The following TMED5 variants were observed in gnomAD, a reference collection of about 807,000 sequenced individuals.
TMED5 encodes transmembrane p24 trafficking protein 5, also known as transmembrane emp24 domain-containing protein 5.
A neutral mutation model predicts 23.0 loss-of-function variants in TMED5; 27 were observed. That is an observed-to-expected ratio of 1.17 (90% CI 0.86 to 1.62). The LOEUF is 1.62. Ranked by LOEUF, TMED5 falls within the 40% of genes most tolerant of loss-of-function variation. The pLI is 0.00. For missense variants in TMED5, 248 were observed against 273.7 expected (o/e 0.91, Z 0.66); for synonymous variants, 97 against 100.8 (o/e 0.96, Z 0.23).
At chr1:93,167,335 T>A (rs1054200581) in intron 1 of TMED5, among the ~76,000 whole-genome samples, 2 of 152,212 alleles carry the variant, frequency 1.3e-5, no homozygotes, top group Non-Finnish European at 2.9e-5. Flanking sequence ...TTGCACTGAA[T>A]CTGTAGATTG....
chr1:93,161,343 A>G (rs1648266042), intron 1 of TMED5: 1 of 152,218 alleles, frequency 6.6e-6, no homozygotes, highest in African/African-American at 2.4e-5. Context: ...TACAGCAAAT[A>G]AGTGACATGG....
chr1:93,154,877 G>A lies in TMED5; in HGVS notation c.483C>T (p.Asn161=). The A allele has an allele frequency of 6.3e-7, 1 of 1,594,840 alleles. No homozygotes were observed. Among genetic ancestry groups the A allele is most frequent in the Non-Finnish European group, 8.6e-7 (1 of 1,166,620 alleles). ...MKLEDILESI[N]SIKSRLSKSG... ...TTTTGCTTAGTCTGGACTTGATGCT[G>A]TTGATGGATTCCTGGAGATAAATAA... The change falls in exon 4 of 4, where the codon AAC becomes AAT. Residue 161 remains asparagine (N), a synonymous_variant. Transcript: ENST00000370282.
rs1046534127 is a variant in TMED5 at position 93,173,686 on chromosome 1, G to A, written c.189+6368C>T. ...AAAAGTCAAGAGAGCAGAGCCGTAA[G>A]AACCAGAGGAAAACAAATTAAGCCT... On this transcript the variant is annotated intron_variant, in intron 1 of 3. Transcript: ENST00000370282. 3.3e-5 allele frequency among the ~76,000 whole-genome samples: 5 copies of A among 152,340 alleles called. No homozygotes were observed. In the South Asian group the frequency reaches 8.3e-4, roughly 25 times the overall value.
Position 93,180,255 on chromosome 1 carries a change from G to T in TMED5, c.-13C>A, listed in dbSNP as rs1649293302. On this transcript the variant is annotated 5_prime_UTR_variant, in exon 1 of 4. Coordinates refer to ENST00000370282, the MANE Select transcript of TMED5 (RefSeq NM_016040.5). The stretch of plus-strand genomic sequence containing the variant: ...TCTTGTCGCCCATCCCTGCTGGGGC[G>T]ATCCCGGGCTGAAAGAGGCGTCAGG... 4 of 1,598,122 alleles carry T rather than the reference G, an allele frequency of 2.5e-6. No homozygotes were observed. The highest frequency in any genetic ancestry group is 2.7e-5 in the African/African-American group (2 of 73,708).
chr1:93,170,849 G>A (rs913326166), intron 1 of TMED5, among the ~76,000 whole-genome samples: 10 of 152,182 alleles, frequency 6.6e-5, no homozygotes, highest in African/African-American at 2.4e-4. Flanking sequence ...CTAGCTCAGG[G>A]ATTGTAAACA....
chr1:93,160,962 G>A (rs1455813787), intron 1 of TMED5: 6 of 152,244 alleles, frequency 3.9e-5, no homozygotes, highest in Admixed American at 6.5e-5. Context: ...CCACCATGGT[G>A]TGGACTCCAA....
chr1:93,179,925 C>A, intron 1 of TMED5, 129 bp downstream of exon 1: 1 of 1,027,858 alleles, frequency 9.7e-7, no homozygotes, highest in Non-Finnish European at 1.4e-6. Context: ...GCGGAGCGGG[C>A]TGGCTTCCTG....
chr1:93,171,083 G>C (rs868086073), intron 1 of TMED5, among the ~76,000 whole-genome samples: 17 of 152,126 alleles, frequency 1.1e-4, no homozygotes, highest in African/African-American at 4.1e-4. Flanking sequence ...CTCACTCTTT[G>C]GGTTCACACT....
rs1647871727 is a variant in TMED5, at chr1:93,151,418, T to C, written c.*3252A>G. ...AAATATTTCTGAAAATGAAATAGTC[T>C]CAAAGGAGTTTTGATTTTGCAAGAT... On this transcript the variant is annotated 3_prime_UTR_variant, in exon 4 of 4. Coordinates refer to ENST00000370282, the MANE Select transcript of TMED5 (RefSeq NM_016040.5). 6.6e-6 allele frequency: 1 copy of C among 152,208 alleles called. No individual in the cohort carries two copies. The highest frequency in any genetic ancestry group is 2.4e-5 in the African/African-American group (1 of 41,462). 9.4% of individuals were successfully genotyped at this position (152,208 alleles called of 1,614,324 possible).
intron 2 of TMED5, chr1:93,158,696 T>C (rs1458406553): frequency 6.6e-6 from 1 of 152,642 alleles, no homozygotes. Context: ...GCCTCCCAAG[T>C]AGCTGGGACT....
chr1:93,179,995 G>C lies in TMED5; in HGVS notation c.189+59C>G, dbSNP rs534740152. ...ACCAGAAGTTTCTAAACGGGTGAGA[G>C]GCGACAACGCAGTGCAGCTGGGTTA... On this transcript the variant is annotated intron_variant, in intron 1 of 3. Transcript: ENST00000370282. The C allele has an allele frequency of 1.8e-5, 27 of 1,531,798 alleles. No homozygotes were observed. In the African/African-American group the frequency reaches 2.9e-4, roughly 17 times the overall value. The allele number at this position is 1,531,798 out of a possible 1,614,324, so 94.9% of individuals were successfully genotyped here.
intron 1 of TMED5, among the ~76,000 whole-genome samples, chr1:93,175,754 C>G (rs1292961175): frequency 2.0e-5 from 3 of 152,082 alleles, no homozygotes; most frequent in Admixed American, 6.5e-5. Flanking sequence ...CTCCCAAAAA[C>G]TCACCCAGAT....
At chr1:93,159,677 T>TA (rs59708035) in intron 2 of TMED5, among the ~76,000 whole-genome samples, 90,879 of 149,266 alleles carry the variant, frequency 0.61, 27,897 homozygotes, top group South Asian at 0.69. Flanking sequence ...GAGGTCTGAA[T>TA]AAAAAAAAAA....
At chr1:93,169,796 T>C (rs1648642365) in intron 1 of TMED5, among the ~76,000 whole-genome samples, 1 of 151,542 alleles carries the variant, frequency 6.6e-6, no homozygotes, top group African/African-American at 2.4e-5. Flanking sequence ...GCCTGTAATC[T>C]CAGCACTTTG....
rs749273556 is a variant in TMED5, at chr1:93,180,107, C to T, written c.136G>A (p.Glu46Lys). ...FTFTLPAGQK[E>K]CFYQPMPLKA... Reference sequence around the variant, plus strand: ...AGGGGCATGGGCTGGTAGAAGCACTCCTTCTGGCCGGCGGGAAGGGTAAAG... The same window carrying T: ...AGGGGCATGGGCTGGTAGAAGCACTTCTTCTGGCCGGCGGGAAGGGTAAAG... Residue 46 changes from glutamate to lysine, a missense_variant, in exon 1 of 4, where the codon GAG (glutamate) becomes AAG (lysine). Glu to Lys is a moderately conservative substitution (Grantham distance 56). Transcript: ENST00000370282. The T allele has an allele frequency of 6.2e-7, 1 of 1,613,804 alleles. No individual in the cohort carries two copies. The highest frequency in any genetic ancestry group is 8.5e-7 in the Non-Finnish European group (1 of 1,179,846).
rs763736135 is a variant in TMED5 at position 93,178,566 on chromosome 1, T to A, written c.189+1488A>T. Among the ~76,000 whole-genome samples, 5 of 152,174 alleles carry A rather than the reference T, an allele frequency of 3.3e-5. No homozygotes were observed. The East Asian group carries it at 5.8e-4, about 18-fold the overall frequency. On this transcript the variant is annotated intron_variant, in intron 1 of 3. Coordinates refer to ENST00000370282, the MANE Select transcript of TMED5 (RefSeq NM_016040.5). ...ATTCTTTCTTTCTCTTTTACCTACATCCCGCACAACCCAGCTCCCCCTCCG... is the reference window on the plus strand; with the variant it reads ...ATTCTTTCTTTCTCTTTTACCTACAACCCGCACAACCCAGCTCCCCCTCCG...
chr1:93,173,831 T>A (rs181067136), intron 1 of TMED5, among the ~76,000 whole-genome samples: 1 of 152,366 alleles, frequency 6.6e-6, no homozygotes, highest in African/African-American at 2.4e-5. Flanking sequence ...CATGACATTT[T>A]AATTAAATAA....
chr1:93,157,880 T>C, intron 2 of TMED5, among the ~76,000 whole-genome samples: 1 of 152,182 alleles, frequency 6.6e-6, no homozygotes, highest in East Asian at 1.9e-4. Context: ...ATCCCAGCAC[T>C]TTGGGAGGCC....
At chr1:93,167,204 AGTTTT>A (rs972500965) in intron 1 of TMED5, among the ~76,000 whole-genome samples, 1 of 152,138 alleles carries the variant, frequency 6.6e-6, no homozygotes, top group African/African-American at 2.4e-5. Context: ...TGATTCCTCC[AGTTTT>A]GTTTTGTTTT....
Sources: gnomAD v4.1 joint callset for allele counts (sites outside exome capture counted in the v4.1 genomes callset) on GRCh38, gnomAD v4.1.1 for gene constraint, MANE v1.5 for transcripts, NCBI Gene and HGNC (gene_info 2026-07-23, HGNC 2026-07-21) for gene names.